CTSB: variants seen among roughly 807,000 people sequenced by gnomAD.
CTSB encodes cathepsin B, also known as APP secretase.
In CTSB, 57 loss-of-function variants were observed where a neutral mutation model predicts 44.3. The observed-to-expected ratio is 1.29, with a 90% CI of 1.04 to 1.60. The LOEUF (loss-of-function observed/expected upper bound fraction) is 1.60, where lower values mean the gene tolerates loss of function less well. CTSB is among the 40% of genes most tolerant of loss of function. CTSB has a pLI of 0.00. For missense variants in CTSB, 768 were observed against 443.0 expected, an observed-to-expected ratio of 1.73 and a Z score of -6.59; for synonymous variants, 320 against 168.0, an observed-to-expected ratio of 1.91 and a Z score of -7.00.
At chr8:11,849,907 G>C (rs539519756) in intron 4 of CTSB, 1 of 152,130 alleles carries the variant, frequency 6.6e-6, no homozygotes, top group Non-Finnish European at 1.5e-5. Context: ...AAAAAACACA[G>C]CTCACCCAGA....
intron 1 of CTSB, among the ~76,000 whole-genome samples, chr8:11,864,789 C>T (rs1444960005): frequency 6.6e-6 from 1 of 152,046 alleles, no homozygotes; most frequent in Non-Finnish European, 1.5e-5. Flanking sequence ...TGGTGCATGC[C>T]TCTAATCCCA....
intron 1 of CTSB, chr8:11,861,468 G>C (rs1377026026): frequency 6.6e-6 from 1 of 152,324 alleles, no homozygotes; most frequent in Non-Finnish European, 1.5e-5. Flanking sequence ...CTCTCCATAG[G>C]CCTGAAGACA....
Position 11,847,131 on chromosome 8 carries a change from G to A in CTSB, c.714C>T (p.Asp238=), listed in dbSNP as rs764822406. ...NSYSVSNSEK[D]IMAEIYKNGP... ...CGTTTTTGTAGATCTCGGCCATGAT[G>A]TCCTTCTCGCTATTGGAGACGCTGT... Residue 238 remains aspartate, a synonymous_variant, in exon 8 of 10, where the codon GAC becomes GAT. Transcript: ENST00000353047. 9 of 1,596,202 alleles carry A rather than the reference G, an allele frequency of 5.6e-6. No individual in the cohort carries two copies. In the South Asian group the frequency reaches 8.9e-5, roughly 16 times the overall value.
At chr8:11,846,644 G>C (rs1050954225) in intron 8 of CTSB, among the ~76,000 whole-genome samples, 2 of 152,234 alleles carry the variant, frequency 1.3e-5, no homozygotes, top group Non-Finnish European at 2.9e-5. Flanking sequence ...TGAAGAAAAT[G>C]TGTCAGCCAG....
At chr8:11,866,221 T>G (rs1264978908) in intron 1 of CTSB, among the ~76,000 whole-genome samples, 1 of 152,144 alleles carries the variant, frequency 6.6e-6, no homozygotes, top group African/African-American at 2.4e-5. Flanking sequence ...GAAAAGAACC[T>G]GCCTACAAAA....
At chr8:11,857,507 G>C (rs75462915) in intron 1 of CTSB, among the ~76,000 whole-genome samples, 3,827 of 152,194 alleles carry the variant, frequency 0.025, 66 homozygotes, top group Middle Eastern at 0.048. Flanking sequence ...TAAATAATAA[G>C]CCAAGTCGAG....
intron 5 of CTSB, chr8:11,848,444 A>T (rs939844203): frequency 1.9e-6 from 1 of 517,220 alleles, no homozygotes; most frequent in Admixed American, 2.8e-5. Flanking sequence ...TCCGGGTAGA[A>T]CACTGATTCT....
At chr8:11,848,222 C>T in intron 5 of CTSB, 70 bp from the exon 6 acceptor site, 1 of 1,426,038 alleles carries the variant, frequency 7.0e-7, no homozygotes, top group Non-Finnish European at 9.9e-7. Flanking sequence ...CTGTGTGCTA[C>T]CCAAGTGCCC....
At chr8:11,849,651 G>C (rs994450777) in intron 4 of CTSB, 1 of 152,370 alleles carries the variant, frequency 6.6e-6, no homozygotes, top group Non-Finnish European at 1.5e-5. Context: ...CGCAATCTCA[G>C]CTCACTGCAA....
At chr8:11,849,502 G>A (rs529471007) in intron 4 of CTSB, 4 of 181,234 alleles carry the variant, frequency 2.2e-5, no homozygotes, top group Admixed American at 5.5e-5. Flanking sequence ...AAGCACCCCC[G>A]TGAACCTCTG....
Position 11,845,133 on chromosome 8 carries a change from T to C in CTSB, c.1012A>G (p.Lys338Glu), listed in dbSNP as rs780879772. Residue 338 changes from lysine (K) to glutamate (E), a missense_variant, in exon 10 of 10, where the codon AAG becomes GAG. Lys to Glu is a moderately conservative substitution (Grantham distance 56). Transcript: ENST00000353047. ...GACAGGCCCACGGCAGATTAGATCT[T>C]TTCCCAGTACTGATCGGTGCGTGGA... Reference protein sequence around the residue: ...GIPRTDQYWEKI With the variant: ...GIPRTDQYWEEI 3 of 1,612,374 alleles carry C rather than the reference T, an allele frequency of 1.9e-6. No individual in the cohort carries two copies. The African/African-American group carries it at 4.0e-5, about 22-fold the overall frequency.
intron 1 of CTSB, among the ~76,000 whole-genome samples, chr8:11,860,732 C>G (rs1433870526): frequency 6.6e-6 from 1 of 152,198 alleles, no homozygotes; most frequent in Non-Finnish European, 1.5e-5. Context: ...GCTAAGAGCA[C>G]GGGAACAGTG....
At chr8:11,852,798 C>A (rs1465136082) in intron 2 of CTSB, 103 bp from the exon 3 acceptor site, 2 of 1,038,180 alleles carry the variant, frequency 1.9e-6, no homozygotes, top group African/African-American at 1.6e-5. Context: ...AGAGACCCTA[C>A]CCAATTCAAG....
In CTSB at chr8:11,847,188, C is replaced by T. The variant is rs775197664; in HGVS notation, c.677-20G>A. 5.1e-5 allele frequency: 78 copies of T among 1,544,472 alleles called. No homozygotes were observed. Among genetic ancestry groups the T allele is most frequent in the Non-Finnish European group, 3.3e-5 (37 of 1,117,602 alleles). ...TGTATCCTGGAAAATGAACCGAGCT[C>T]GGGGTTGGGGAGGGCAGTGACCGTG... On this transcript the variant is annotated intron_variant, in intron 7 of 9. Coordinates refer to ENST00000353047, the MANE Select transcript of CTSB (RefSeq NM_001908.5).
At position 11,849,078 on chromosome 8, in the gene CTSB, C is replaced by G. The variant is rs775496878; in HGVS notation, c.414G>C (p.Leu138=). ...HVSVEVSAED[L]LTCCGSMCGD... is the part of the protein sequence containing the mutation. ...CACACATGCTGCCACAGCATGTGAGCAGGTCCTCCGCCGACACCTCCACGC... is the reference window on the plus strand; with the variant it reads ...CACACATGCTGCCACAGCATGTGAGGAGGTCCTCCGCCGACACCTCCACGC... The change falls in exon 5 of 10, where the codon CTG becomes CTC. Residue 138 remains leucine (L), a synonymous_variant. Transcript: ENST00000353047. The G allele has an allele frequency of 1.2e-6, 2 of 1,613,332 alleles. No homozygotes were observed. The highest frequency in any genetic ancestry group is 1.1e-5 in the South Asian group (1 of 91,022).
At chr8:11,851,743 C>G (rs1175716778) in intron 3 of CTSB, among the ~76,000 whole-genome samples, 2 of 151,268 alleles carry the variant, frequency 1.3e-5, no homozygotes, top group Admixed American at 6.6e-5. Flanking sequence ...CTCAGCTCAC[C>G]GCAACCTCTG....
chr8:11,859,741 C>A (rs1563426407), intron 1 of CTSB, among the ~76,000 whole-genome samples: 1 of 122,076 alleles, frequency 8.2e-6, no homozygotes, highest in Non-Finnish European at 1.6e-5. Context: ...GCACTCCAGC[C>A]TGGGCAACAG....
At chr8:11,866,815 G>A (rs554784735) in intron 1 of CTSB, among the ~76,000 whole-genome samples, 18 of 152,232 alleles carry the variant, frequency 1.2e-4, no homozygotes, top group Non-Finnish European at 2.2e-4. Flanking sequence ...AGCCGAGATC[G>A]CGCCACTGTG....
chr8:11,862,866 G>A (rs1167040008), intron 1 of CTSB, among the ~76,000 whole-genome samples: 1 of 152,196 alleles, frequency 6.6e-6, no homozygotes, highest in Non-Finnish European at 1.5e-5. Context: ...TTACCATCTT[G>A]GCCACATTGG....
Sources: gnomAD v4.1 joint callset for allele counts (sites outside exome capture counted in the v4.1 genomes callset) on GRCh38, gnomAD v4.1.1 for gene constraint, MANE v1.5 for transcripts, NCBI Gene and HGNC (gene_info 2026-07-23, HGNC 2026-07-21) for gene names.